The following USH2A variants were observed in gnomAD, a reference collection of about 807,000 sequenced individuals.
USH2A encodes the protein Usher syndrome 2A (autosomal recessive, mild).
A neutral mutation model predicts 538.9 loss-of-function variants in USH2A; 443 were observed. That is an observed-to-expected ratio of 0.82 (90% CI 0.76 to 0.89). USH2A has a LOEUF of 0.89. USH2A is among the 40% of genes least tolerant of loss of function. USH2A has a pLI of 0.00. For synonymous variants in USH2A, 2,413 were observed against 2,273.5 expected, an observed-to-expected ratio of 1.06 and a Z score of -1.75; for missense variants, 6,633 against 6,324.8, an observed-to-expected ratio of 1.05 and a Z score of -1.65.
chr1:215,855,105 A>T (rs765993839), intron 44 of USH2A, among the ~76,000 whole-genome samples: 2 of 152,290 alleles, frequency 1.3e-5, no homozygotes, highest in Non-Finnish European at 2.9e-5. Context: ...CTCCTATATC[A>T]ATAGTATGTA....
intron 38 of USH2A, among the ~76,000 whole-genome samples, chr1:215,917,330 G>A (rs1027783434): frequency 6.6e-6 from 1 of 151,996 alleles, no homozygotes; most frequent in African/African-American, 2.4e-5. Context: ...TTTCTAGGCA[G>A]CATAGATTAA....
chr1:216,197,175 G>C (rs1187735166), intron 18 of USH2A, among the ~76,000 whole-genome samples: 1 of 152,018 alleles, frequency 6.6e-6, no homozygotes, highest in Non-Finnish European at 1.5e-5. Flanking sequence ...TTCAGAAAGA[G>C]GTAAACCTAA....
At chr1:216,148,860 C>T (rs1247928008) in intron 21 of USH2A, among the ~76,000 whole-genome samples, 1 of 151,732 alleles carries the variant, frequency 6.6e-6, no homozygotes, top group Non-Finnish European at 1.5e-5. Flanking sequence ...TTCACTTGGA[C>T]TGACCCTGAC....
chr1:215,779,786 C>T (rs1661568133), intron 55 of USH2A, 57 bp downstream of exon 55: 2 of 1,599,764 alleles, frequency 1.3e-6, no homozygotes, highest in Admixed American at 1.7e-5. Context: ...TGCTTTGCCC[C>T]CCTAACCACA....
chr1:216,198,682 C>A, intron 17 of USH2A, 98 bp from the exon 18 acceptor site: 1 of 1,079,324 alleles, frequency 9.3e-7, no homozygotes, highest in African/African-American at 1.6e-5. Context: ...GCTGGATATT[C>A]ATTGTCTTTC....
At position 215,792,605 on chromosome 1, in the gene USH2A, T is replaced by C. The variant is rs189680394; in HGVS notation, c.9959-2323A>G. ...TCACTGCAATATTCTGACATAAAGATGTCTGACGTGCACTAACTCACTTAG... is the reference window on the plus strand; with the variant it reads ...TCACTGCAATATTCTGACATAAAGACGTCTGACGTGCACTAACTCACTTAG... On this transcript the variant is annotated intron_variant, in intron 50 of 71. Transcript: ENST00000307340. 2.5e-3 allele frequency among the ~76,000 whole-genome samples: 388 copies of C among 152,312 alleles called. 4 individuals carry two copies. The highest frequency in any genetic ancestry group is 9.0e-3 in the African/African-American group (376 of 41,576).
At chr1:216,173,173 G>A (rs2034304773) in intron 21 of USH2A, among the ~76,000 whole-genome samples, 1 of 152,156 alleles carries the variant, frequency 6.6e-6, no homozygotes, top group South Asian at 2.1e-4. Context: ...GAAAGTTATT[G>A]AGTTGGTTTT....
intron 3 of USH2A, among the ~76,000 whole-genome samples, chr1:216,370,980 C>T (rs1043663047): frequency 6.6e-6 from 1 of 152,320 alleles, no homozygotes; most frequent in African/African-American, 2.4e-5. Flanking sequence ...ATCCCACTGC[C>T]TTCCCAGATC....
intron 3 of USH2A, among the ~76,000 whole-genome samples, chr1:216,370,091 G>A (rs770076405): frequency 6.6e-6 from 1 of 152,104 alleles, no homozygotes; most frequent in Non-Finnish European, 1.5e-5. Context: ...AGGCACAATG[G>A]CGCGTGCCTG....
intron 41 of USH2A, among the ~76,000 whole-genome samples, chr1:215,881,890 A>G (rs1664920428): frequency 6.6e-6 from 1 of 152,178 alleles, no homozygotes; most frequent in South Asian, 2.1e-4. Flanking sequence ...TGTTTAAGGA[A>G]CGATTGACTT....
intron 44 of USH2A, among the ~76,000 whole-genome samples, chr1:215,849,962 G>C (rs540141091): frequency 7.0e-6 from 1 of 143,800 alleles, no homozygotes; most frequent in South Asian, 2.3e-4. Flanking sequence ...CAAACATTTA[G>C]AGAACATAAA....
At chr1:215,687,579 C>T (rs1387392514) in intron 61 of USH2A, among the ~76,000 whole-genome samples, 3 of 151,954 alleles carry the variant, frequency 2.0e-5, no homozygotes, top group Non-Finnish European at 4.4e-5. Flanking sequence ...TGAAATGCCT[C>T]ATTTTTCAAA....
chr1:215,770,864 G>C (rs2102751775), intron 55 of USH2A, among the ~76,000 whole-genome samples: 1 of 151,022 alleles, frequency 6.6e-6, no homozygotes, highest in Non-Finnish European at 1.5e-5. Flanking sequence ...CAGCACTTTG[G>C]GAGGACGAGG....
intron 61 of USH2A, among the ~76,000 whole-genome samples, chr1:215,716,114 G>A (rs922248742): frequency 1.4e-5 from 2 of 147,016 alleles, no homozygotes; most frequent in African/African-American, 5.0e-5. Flanking sequence ...CAGGGGTCTT[G>A]ATCTAATCAA....
intron 20 of USH2A, among the ~76,000 whole-genome samples, chr1:216,178,032 A>G (rs1415247013): frequency 6.6e-6 from 1 of 152,202 alleles, no homozygotes; most frequent in Admixed American, 6.5e-5. Context: ...GGATATAAGA[A>G]TTGAAGCCCT....
intron 47 of USH2A, among the ~76,000 whole-genome samples, chr1:215,830,416 C>A (rs1259800165): frequency 6.6e-6 from 1 of 152,114 alleles, no homozygotes; most frequent in Non-Finnish European, 1.5e-5. Context: ...GGAAATGGGG[C>A]CTCTATAGTC....
intron 12 of USH2A, among the ~76,000 whole-genome samples, chr1:216,248,880 G>A (rs1409491236): frequency 6.6e-6 from 1 of 152,016 alleles, no homozygotes; most frequent in Non-Finnish European, 1.5e-5. Context: ...AAGTACAGGC[G>A]AGTTAGCACA....
In USH2A at chr1:215,650,825, T is replaced by A. The variant is rs536133981; in HGVS notation, c.14134-24A>T. On this transcript the variant is annotated intron_variant, in intron 64 of 71. Coordinates refer to ENST00000307340, the MANE Select transcript of USH2A (RefSeq NM_206933.4). ...ACCTCCAAAGAGAAATCAACAAGACTGTCAAAAGCAAGATACCCTAAGGCT... is the reference window on the plus strand; with the variant it reads ...ACCTCCAAAGAGAAATCAACAAGACAGTCAAAAGCAAGATACCCTAAGGCT... 1.2e-5 allele frequency: 19 copies of A among 1,574,918 alleles called. No homozygotes were observed. The South Asian group carries it at 2.1e-4, about 17-fold the overall frequency.
intron 61 of USH2A, among the ~76,000 whole-genome samples, chr1:215,710,125 A>T (rs79283415): frequency 0.015 from 2,315 of 152,338 alleles, 93 homozygotes; most frequent in East Asian, 0.1. Flanking sequence ...AGTGATGTTC[A>T]GTTATCACAG....
Sources: gnomAD v4.1 joint callset for allele counts (sites outside exome capture counted in the v4.1 genomes callset) on GRCh38, gnomAD v4.1.1 for gene constraint, MANE v1.5 for transcripts, NCBI Gene and HGNC (gene_info 2026-07-23, HGNC 2026-07-21) for gene names.